The following ZNF609 variants were observed in gnomAD, a reference collection of about 807,000 sequenced individuals.
The protein encoded by ZNF609 is zinc finger protein 609.
A neutral mutation model predicts 109.5 loss-of-function variants in ZNF609; 11 were observed. That is an observed-to-expected ratio of 0.10 (90% CI 0.06 to 0.17). ZNF609 has a LOEUF of 0.17. ZNF609 is among the 10% of genes least tolerant of loss of function. The pLI, the probability that ZNF609 is intolerant of heterozygous loss-of-function variation, is 1.00. For synonymous variants in ZNF609, 646 were observed against 662.0 expected, an observed-to-expected ratio of 0.98 and a Z score of 0.37; for missense variants, 1,559 against 1,772.4, an observed-to-expected ratio of 0.88 and a Z score of 2.16.
intron 2 of ZNF609, among the ~76,000 whole-genome samples, chr15:64,566,955 A>G (rs1055680040): frequency 6.6e-6 from 1 of 152,234 alleles, no homozygotes; most frequent in Non-Finnish European, 1.5e-5. Flanking sequence ...CTGACAGGAC[A>G]GAAACCTTTG....
intron 2 of ZNF609, among the ~76,000 whole-genome samples, chr15:64,540,770 C>T (rs1396592459): frequency 2.0e-5 from 3 of 150,986 alleles, no homozygotes; most frequent in African/African-American, 7.3e-5. Flanking sequence ...TGGCTCACGC[C>T]TGTAATCCCA....
chr15:64,585,177 T>C (rs531232568), intron 2 of ZNF609, among the ~76,000 whole-genome samples: 1 of 151,782 alleles, frequency 6.6e-6, no homozygotes, highest in South Asian at 2.1e-4. Context: ...ATACAAAAAT[T>C]AGTCAGGCGT....
At chr15:64,589,142 G>A (rs566284374) in intron 2 of ZNF609, among the ~76,000 whole-genome samples, 72 of 152,124 alleles carry the variant, frequency 4.7e-4, no homozygotes, top group South Asian at 8.3e-4. Flanking sequence ...TGTGGAGGAT[G>A]TCCCTGCCTT....
chr15:64,538,985 C>T (rs908043604), intron 2 of ZNF609, among the ~76,000 whole-genome samples: 2 of 151,958 alleles, frequency 1.3e-5, no homozygotes, highest in Non-Finnish European at 2.9e-5. Flanking sequence ...CATGCATGCA[C>T]CACCATGCCT....
At chr15:64,612,472 T>C (rs1038430790) in intron 2 of ZNF609, among the ~76,000 whole-genome samples, 1 of 152,044 alleles carries the variant, frequency 6.6e-6, no homozygotes, top group Non-Finnish European at 1.5e-5. Flanking sequence ...TTAGAACTGT[T>C]TGAAGACTGG....
At chr15:64,589,680 C>T (rs2140936958) in intron 2 of ZNF609, among the ~76,000 whole-genome samples, 1 of 152,298 alleles carries the variant, frequency 6.6e-6, no homozygotes, top group Admixed American at 6.5e-5. Context: ...CTTTCCTTAT[C>T]TCATCTGTTC....
intron 1 of ZNF609, among the ~76,000 whole-genome samples, chr15:64,485,304 A>G (rs891959673): frequency 2.6e-5 from 4 of 152,216 alleles, no homozygotes; most frequent in African/African-American, 9.6e-5. Flanking sequence ...CTTGATCACC[A>G]GTTCTTAGGA....
At position 64,576,982 on chromosome 15, in the gene ZNF609, G is replaced by A. The variant is rs1231590410; in HGVS notation, c.748-45845G>A. Among the ~76,000 whole-genome samples, 19 of 122,430 alleles carry A rather than the reference G, an allele frequency of 1.6e-4. 2 individuals carry two copies. The highest frequency in any genetic ancestry group is 2.5e-4 in the Non-Finnish European group (15 of 59,762). 80.3% of individuals were successfully genotyped at this position (122,430 alleles called of 152,430 possible). ...TATATATACACATAAATATATATATGTATGTATACACATAAATATATATAT... is the reference window on the plus strand; with the variant it reads ...TATATATACACATAAATATATATATATATGTATACACATAAATATATATAT... On this transcript the variant is annotated intron_variant, in intron 2 of 9. Coordinates refer to ENST00000326648, the MANE Select transcript of ZNF609 (RefSeq NM_015042.2).
intron 1 of ZNF609, among the ~76,000 whole-genome samples, chr15:64,469,134 A>G (rs1893057999): frequency 6.6e-6 from 1 of 151,650 alleles, no homozygotes; most frequent in Admixed American, 6.6e-5. Flanking sequence ...GTGGTGGCAC[A>G]TGCCTGTAAT....
chr15:64,604,189 A>G (rs1020580517), intron 2 of ZNF609, among the ~76,000 whole-genome samples: 6 of 152,152 alleles, frequency 3.9e-5, no homozygotes, highest in Non-Finnish European at 7.3e-5. Context: ...CTAACTTAGT[A>G]TAGTATAATG....
chr15:64,670,673 G>T (rs923533722), intron 4 of ZNF609, among the ~76,000 whole-genome samples: 9 of 151,588 alleles, frequency 5.9e-5, no homozygotes, highest in African/African-American at 2.2e-4. Context: ...GAGGTCAGGA[G>T]TTCCAGACTA....
At chr15:64,516,603 C>G (rs545996236) in intron 2 of ZNF609, among the ~76,000 whole-genome samples, 74 of 152,294 alleles carry the variant, frequency 4.9e-4, no homozygotes, top group Middle Eastern at 6.8e-3. Flanking sequence ...GTCTCAAACT[C>G]TTAAGCTCAA....
At chr15:64,582,747 G>GTTT (rs1895129761) in intron 2 of ZNF609, among the ~76,000 whole-genome samples, 1 of 25,690 alleles carries the variant, frequency 3.9e-5, no homozygotes, top group Non-Finnish European at 9.5e-5. Flanking sequence ...TTGAGACAGA[G>GTTT]TCTTTTTTTT....
At chr15:64,541,898 T>G (rs1341131348) in intron 2 of ZNF609, among the ~76,000 whole-genome samples, 1 of 151,578 alleles carries the variant, frequency 6.6e-6, no homozygotes, top group Non-Finnish European at 1.5e-5. Context: ...CCCTTTTGGC[T>G]TCTACTATTT....
chr15:64,680,859 G>A lies in ZNF609; in HGVS notation c.4159G>A (p.Ala1387Thr), dbSNP rs781633628. The change falls in exon 8 of 10, where the codon GCA becomes ACA. Residue 1387 changes from alanine to threonine, a missense_variant. Coordinates refer to ENST00000326648, the MANE Select transcript of ZNF609 (RefSeq NM_015042.2). ...LPAQYNLPYA[A>T]GLSSTAIVAS... ...AGCACAGTACAACTTACCCTATGCAGCAGGTAAGCCTGTTTTCCCTACCAC... is the reference window on the plus strand; with the variant it reads ...AGCACAGTACAACTTACCCTATGCAACAGGTAAGCCTGTTTTCCCTACCAC... 1 of 1,608,670 alleles carries A rather than the reference G, an allele frequency of 6.2e-7. No homozygotes were observed. Among genetic ancestry groups the A allele is most frequent in the Non-Finnish European group, 8.5e-7 (1 of 1,179,934 alleles).
chr15:64,476,647 C>G (rs1007393805), intron 1 of ZNF609, among the ~76,000 whole-genome samples: 4 of 152,184 alleles, frequency 2.6e-5, no homozygotes, highest in African/African-American at 9.7e-5. Flanking sequence ...CTCCTGTCTG[C>G]TCCTCTTGCT....
intron 3 of ZNF609, among the ~76,000 whole-genome samples, chr15:64,640,372 C>A (rs1330033884): frequency 1.3e-5 from 2 of 151,912 alleles, no homozygotes; most frequent in Non-Finnish European, 2.9e-5. Flanking sequence ...ATTTACCCTT[C>A]CTTGGGTAAA....
chr15:64,581,998 TA>T (rs1233518460), intron 2 of ZNF609, among the ~76,000 whole-genome samples: 1 of 152,160 alleles, frequency 6.6e-6, no homozygotes, highest in Non-Finnish European at 1.5e-5. Context: ...TAATTCTTGG[TA>T]AATTCTATGT....
intron 2 of ZNF609, among the ~76,000 whole-genome samples, chr15:64,576,072 A>G (rs1567018656): frequency 2.6e-5 from 4 of 152,206 alleles, no homozygotes. Flanking sequence ...GCTGCACTCC[A>G]GCCTGGGCGA....
Sources: gnomAD v4.1 joint callset for allele counts (sites outside exome capture counted in the v4.1 genomes callset) on GRCh38, gnomAD v4.1.1 for gene constraint, MANE v1.5 for transcripts, NCBI Gene and HGNC (gene_info 2026-07-23, HGNC 2026-07-21) for gene names.